The following OLFML2A variants were observed in gnomAD, a reference collection of about 807,000 sequenced individuals.
OLFML2A encodes olfactomedin like 2A.
Under a neutral mutation model 60.9 loss-of-function variants are expected in OLFML2A, and 47 were observed. The observed-to-expected ratio is 0.77, with a 90% CI of 0.61 to 0.98. The LOEUF (loss-of-function observed/expected upper bound fraction) is 0.98, where lower values mean the gene tolerates loss of function less well. Among genes scored for constraint, OLFML2A ranks in the 50% least tolerant of loss-of-function variants. The pLI is 0.00. For synonymous variants in OLFML2A, 372 were observed against 375.0 expected (o/e 0.99, Z 0.09); for missense variants, 922 against 879.8 (o/e 1.05, Z -0.61).
At position 124,809,920 on chromosome 9, in the gene OLFML2A, C is replaced by A. The variant is rs767813638; in HGVS notation, c.1467C>A (p.Tyr489Ter). ...CCTTCACCAAGAACATCATCAAGTA[C>A]GACCTACGGCAGCGCTTCGTGGCCT... Reference protein sequence around the residue: ...NRAFTKNIIKYDLRQRFVASW... With the variant: ...NRAFTKNIIK Residue 489 changes from tyrosine (Y) to a stop codon, truncating the protein, a stop_gained, in exon 8 of 8, where the codon TAC (tyrosine) becomes TAA (stop). Transcript: ENST00000373580. LOFTEE classifies it high-confidence loss of function. 1.2e-6 allele frequency: 2 copies of A among 1,614,190 alleles called. No homozygotes were observed. The highest frequency in any genetic ancestry group is 1.3e-5 in the African/African-American group (1 of 75,040).
chr9:124,789,621 G>A (rs1442324725), intron 2 of OLFML2A, among the ~76,000 whole-genome samples: 4 of 152,210 alleles, frequency 2.6e-5, no homozygotes, highest in African/African-American at 9.6e-5. Flanking sequence ...TCACTCTACA[G>A]CTAGATGGCT....
At chr9:124,781,751 G>T (rs192944953) in intron 1 of OLFML2A, among the ~76,000 whole-genome samples, 1 of 149,454 alleles carries the variant, frequency 6.7e-6, no homozygotes, top group Non-Finnish European at 1.5e-5. Flanking sequence ...CCAAGATCGC[G>T]CCATTGCACT....
intron 6 of OLFML2A, among the ~76,000 whole-genome samples, 185 bp from the exon 7 acceptor site, chr9:124,807,596 T>G (rs933717939): frequency 2.0e-5 from 3 of 152,226 alleles, no homozygotes; most frequent in African/African-American, 7.2e-5. Context: ...ATTCTGCTTT[T>G]CTGAATGTTT....
Position 124,795,039 on chromosome 9 carries a change from G to A in OLFML2A, c.370G>A (p.Asp124Asn). Reference protein sequence around the residue: ...PELLKLQSMVDLLEGTLYSMD... With the variant: ...PELLKLQSMVNLLEGTLYSMD... ...CCCCGGGCAGCTGCAGTCCATGGTG[G>A]ATCTCCTGGAGGGCACCCTGTACAG... is the stretch of plus-strand genomic sequence containing the variant. The change falls in exon 3 of 8, where the codon GAT becomes AAT. Residue 124 changes from aspartate to asparagine, a missense_variant. Transcript: ENST00000373580. 1 of 1,603,466 alleles carries A rather than the reference G, an allele frequency of 6.2e-7. No individual in the cohort carries two copies.
chr9:124,807,759 C>T (rs1321141338), intron 6 of OLFML2A, 22 bp from the exon 7 acceptor site: 1 of 1,594,986 alleles, frequency 6.3e-7, no homozygotes, highest in Non-Finnish European at 8.5e-7. Flanking sequence ...TGTACCGATG[C>T]TGCCTGCCCT....
In OLFML2A at chr9:124,807,977, C is replaced by T; in HGVS notation, c.1354+11C>T. The T allele has an allele frequency of 6.2e-7, 1 of 1,610,976 alleles. No homozygotes were observed. Among genetic ancestry groups the T allele is most frequent in the Non-Finnish European group, 8.5e-7 (1 of 1,177,698 alleles). On this transcript the variant is annotated intron_variant, in intron 7 of 7. Transcript: ENST00000373580. ...AAAACTTCAAGCAAGGTCAGGGACC[C>T]CCGGAGGTGGAGAGGGGGCTGGGTA...
chr9:124,800,860 A>G (rs1206984609), intron 4 of OLFML2A: 55 of 1,448,984 alleles, frequency 3.8e-5, no homozygotes, highest in Non-Finnish European at 4.9e-5. Context: ...CAAAACACAA[A>G]AAGTTAGAAA....
At chr9:124,786,116 CAAACAAAACA>C (rs557739486) in intron 1 of OLFML2A, among the ~76,000 whole-genome samples, 3 of 152,126 alleles carry the variant, frequency 2.0e-5, no homozygotes, top group South Asian at 2.1e-4. Flanking sequence ...CCTCTCTCTA[CAAACAAAACA>C]AAACAAAACA....
chr9:124,784,329 G>A (rs1182745651), intron 1 of OLFML2A, among the ~76,000 whole-genome samples: 4 of 151,754 alleles, frequency 2.6e-5, no homozygotes, highest in East Asian at 1.9e-4. Context: ...TCAGCCTCCC[G>A]AGTAGCTGAG....
At chr9:124,789,395 C>G (rs879779096) in intron 2 of OLFML2A, among the ~76,000 whole-genome samples, 1 of 152,204 alleles carries the variant, frequency 6.6e-6, no homozygotes, top group African/African-American at 2.4e-5. Flanking sequence ...CCTCCTGGTT[C>G]AAAGACAAAG....
chr9:124,795,225 T>C, intron 3 of OLFML2A, 94 bp downstream of exon 3: 1 of 657,586 alleles, frequency 1.5e-6, no homozygotes, highest in Non-Finnish European at 2.7e-6. Context: ...GGCTTCACCC[T>C]GGTGACCATG....
Position 124,787,148 on chromosome 9 carries a change from C to T in OLFML2A, c.264C>T (p.Cys88=). ...TGAGCTCGGGCACTGACTGCCGCTG[C>T]TCCTGTACCGCACCTCCCTCCTCTC... ...ETVSSGTDCR[C]SCTAPPSSLN... Residue 88 remains cysteine (C), a synonymous_variant, in exon 2 of 8, where the codon TGC becomes TGT. Transcript: ENST00000373580. 1 of 1,614,204 alleles carries T rather than the reference C, an allele frequency of 6.2e-7. No individual in the cohort carries two copies. The highest frequency in any genetic ancestry group is 1.1e-5 in the South Asian group (1 of 91,080).
intron 2 of OLFML2A, among the ~76,000 whole-genome samples, chr9:124,791,017 T>G (rs1841560498): frequency 6.6e-6 from 1 of 152,180 alleles, no homozygotes; most frequent in Admixed American, 6.5e-5. Flanking sequence ...GGAGGGTGCC[T>G]TTTCACCTCC....
In OLFML2A at chr9:124,810,310, G is replaced by A. The variant is rs758421591; in HGVS notation, c.1857G>A (p.Glu619=). The change falls in exon 8 of 8, where the codon GAG becomes GAA. Residue 619 remains glutamate (E), a synonymous_variant. Coordinates refer to ENST00000373580, the MANE Select transcript of OLFML2A (RefSeq NM_182487.4). ...DARPQLPFLN[E]HAYTTQIDYN... is the part of the protein sequence containing the mutation. The stretch of plus-strand genomic sequence containing the variant: ...GCCCCCAGCTGCCGTTCCTCAACGA[G>A]CACGCCTACACCACCCAGATCGACT... 6.2e-7 allele frequency: 1 copy of A among 1,607,800 alleles called. No homozygotes were observed. The highest frequency in any genetic ancestry group is 8.5e-7 in the Non-Finnish European group (1 of 1,179,978).
At chr9:124,781,673 A>G (rs1588876990) in intron 1 of OLFML2A, among the ~76,000 whole-genome samples, 1 of 152,230 alleles carries the variant, frequency 6.6e-6, no homozygotes, top group East Asian at 1.9e-4. Context: ...ACACACCTGT[A>G]ATCCTGGATA....
intron 6 of OLFML2A, among the ~76,000 whole-genome samples, chr9:124,805,756 ACTAT>A (rs1176089373): frequency 6.6e-6 from 1 of 151,226 alleles, no homozygotes; most frequent in African/African-American, 2.4e-5. Context: ...TTCCCCAAAA[ACTAT>A]TTAAATAAAA....
chr9:124,802,474 C>T (rs555272873), intron 5 of OLFML2A, among the ~76,000 whole-genome samples: 1 of 152,348 alleles, frequency 6.6e-6, no homozygotes, highest in Non-Finnish European at 1.5e-5. Context: ...TTTGAGAGCC[C>T]TCTTGTTTCT....
chr9:124,784,448 C>T (rs1227362983), intron 1 of OLFML2A, among the ~76,000 whole-genome samples: 3 of 152,088 alleles, frequency 2.0e-5, no homozygotes, highest in Non-Finnish European at 4.4e-5. Flanking sequence ...ATGATCCACC[C>T]GCCTCGGCCT....
Position 124,801,425 on chromosome 9 carries a change from A to T in OLFML2A, c.681A>T (p.Arg227Ser), listed in dbSNP as rs1277432777. 2 of 1,614,094 alleles carry T rather than the reference A, an allele frequency of 1.2e-6. No homozygotes were observed. The highest frequency in any genetic ancestry group is 3.3e-5 in the Admixed American group (2 of 60,012). Reference sequence around the variant, plus strand: ...CTCTTCCCTCCCAGGACACAGCTAGAGGAAAAGGCAAGGACATCAGCAAGT... The same window carrying T: ...CTCTTCCCTCCCAGGACACAGCTAGTGGAAAAGGCAAGGACATCAGCAAGT... ...GTGSKAQDTA[R>S]GKGKDISKYG... The change falls in exon 5 of 8, where the codon AGA (arginine) becomes AGT (serine). Residue 227 changes from arginine (R) to serine (S), a missense_variant. Coordinates refer to ENST00000373580, the MANE Select transcript of OLFML2A (RefSeq NM_182487.4).
Sources: allele counts gnomAD v4.1 joint callset (sites outside exome capture counted in the v4.1 genomes callset), GRCh38; gene constraint gnomAD v4.1.1; transcripts MANE v1.5; gene names NCBI Gene and HGNC (gene_info 2026-07-23, HGNC 2026-07-21).